Variants in XKR4 observed in about 807,000 individuals in gnomAD.
The protein encoded by XKR4 is XK-related protein 4.
Under a neutral mutation model 53.9 loss-of-function variants are expected in XKR4, and 12 were observed. That is an observed-to-expected ratio of 0.22 (90% CI 0.14 to 0.36). The LOEUF (loss-of-function observed/expected upper bound fraction) is 0.36. Among genes scored for constraint, XKR4 ranks in the 10% least tolerant of loss-of-function variants. The pLI, the probability that XKR4 is intolerant of heterozygous loss-of-function variation, is 1.00. For synonymous variants in XKR4, 354 were observed against 362.4 expected, an observed-to-expected ratio of 0.98 and a Z score of 0.26; for missense variants, 799 against 859.5, an observed-to-expected ratio of 0.93 and a Z score of 0.88.
chr8:55,126,001 C>A (rs1816462770), intron 1 of XKR4, among the ~76,000 whole-genome samples: 1 of 152,070 alleles, frequency 6.6e-6, no homozygotes, highest in Non-Finnish European at 1.5e-5. Flanking sequence ...ATTTTGTATT[C>A]CTTTTTTTTA....
chr8:55,533,976 G>A lies in XKR4; in HGVS notation c.*9749G>A, dbSNP rs1353266442. ...TGAAAAAAAAGAAAAATATTCCCGG[G>A]GGCTTGCATAGCTCAGAGAACGGAG... On this transcript the variant is annotated 3_prime_UTR_variant, in exon 3 of 3. Coordinates refer to ENST00000327381, the MANE Select transcript of XKR4 (RefSeq NM_052898.2). 1 of 152,092 alleles carries A rather than the reference G, an allele frequency of 6.6e-6. No individual in the cohort carries two copies. The highest frequency in any genetic ancestry group is 1.5e-5 in the Non-Finnish European group (1 of 68,026). The allele number at this position is 152,092 out of a possible 1,614,324, so 9.4% of individuals were successfully genotyped here.
rs1273663926 is a variant in XKR4 at position 55,467,732 on chromosome 8, AG to A, written c.1007-55548del. ...CAAAGATTGTGACAGTGAGAGAACA[AG>A]TATTGAATTCTTTGATTAATAGTAA... On this transcript the variant is annotated intron_variant, in intron 2 of 2. Coordinates refer to ENST00000327381, the MANE Select transcript of XKR4 (RefSeq NM_052898.2). 6.6e-5 allele frequency among the ~76,000 whole-genome samples: 10 copies of A among 152,316 alleles called. No individual in the cohort carries two copies. In the East Asian group the frequency reaches 1.9e-3, roughly 29 times the overall value.
intron 2 of XKR4, among the ~76,000 whole-genome samples, chr8:55,477,449 A>G (rs1261538920): frequency 1.1e-4 from 17 of 152,104 alleles, no homozygotes; most frequent in Admixed American, 8.5e-4. Flanking sequence ...AACCACAAAG[A>G]TGGGGAAAAA....
intron 2 of XKR4, among the ~76,000 whole-genome samples, chr8:55,519,159 T>C (rs539603633): frequency 6.6e-6 from 1 of 152,324 alleles, no homozygotes; most frequent in Non-Finnish European, 1.5e-5. Flanking sequence ...TAAAATAAGA[T>C]TATTGCACTA....
At chr8:55,331,950 C>T (rs145339342) in intron 1 of XKR4, among the ~76,000 whole-genome samples, 189 of 152,052 alleles carry the variant, frequency 1.2e-3, no homozygotes, top group African/African-American at 3.7e-3. Context: ...AAATAATTAC[C>T]GATAAGGAAG....
rs558533079 is a variant in XKR4, at chr8:55,432,049, G to T, written c.1006+74172G>T. Reference sequence around the variant, plus strand: ...CAATCATGCTCACATAATATTGTGGGTTATAGCATTTAGCTCTTTCTATAA... The same window carrying T: ...CAATCATGCTCACATAATATTGTGGTTTATAGCATTTAGCTCTTTCTATAA... On this transcript the variant is annotated intron_variant, in intron 2 of 2. Coordinates refer to ENST00000327381, the MANE Select transcript of XKR4 (RefSeq NM_052898.2). 1.9e-4 allele frequency among the ~76,000 whole-genome samples: 29 copies of T among 152,308 alleles called. No homozygotes were observed. The South Asian group carries it at 6.0e-3, about 32-fold the overall frequency.
At chr8:55,430,306 T>C (rs1805083381) in intron 2 of XKR4, among the ~76,000 whole-genome samples, 2 of 152,334 alleles carry the variant, frequency 1.3e-5, no homozygotes, top group Admixed American at 6.5e-5. Flanking sequence ...TGGACACTTA[T>C]GCTAGAGAAA....
At chr8:55,131,339 T>A (rs189982996) in intron 1 of XKR4, among the ~76,000 whole-genome samples, 3 of 152,218 alleles carry the variant, frequency 2.0e-5, no homozygotes, top group African/African-American at 7.2e-5. Context: ...CTCCTGCATT[T>A]AAGTTCATTT....
intron 1 of XKR4, among the ~76,000 whole-genome samples, chr8:55,195,281 T>C (rs1024168053): frequency 1.4e-5 from 2 of 141,816 alleles, no homozygotes; most frequent in African/African-American, 5.1e-5. Flanking sequence ...TGATGAATTG[T>C]ACACTAATAA....
At chr8:55,483,219 C>G (rs1486934400) in intron 2 of XKR4, among the ~76,000 whole-genome samples, 1 of 152,124 alleles carries the variant, frequency 6.6e-6, no homozygotes, top group East Asian at 1.9e-4. Context: ...ATCATCACTT[C>G]TTATTATATT....
chr8:55,420,627 G>T (rs1804913113), intron 2 of XKR4, among the ~76,000 whole-genome samples: 1 of 120,368 alleles, frequency 8.3e-6, no homozygotes, highest in Non-Finnish European at 1.6e-5. Flanking sequence ...GCACTCCGGG[G>T]ACTGTTGTGG....
intron 1 of XKR4, among the ~76,000 whole-genome samples, chr8:55,270,248 A>C (rs1818668221): frequency 6.6e-6 from 1 of 152,192 alleles, no homozygotes; most frequent in Non-Finnish European, 1.5e-5. Context: ...GCTTCTCTGC[A>C]GGTCCTTGCT....
chr8:55,259,573 C>T (rs1367275487), intron 1 of XKR4, among the ~76,000 whole-genome samples: 1 of 151,974 alleles, frequency 6.6e-6, no homozygotes, highest in East Asian at 1.9e-4. Flanking sequence ...GCATGGGGAC[C>T]CTCGCTTGAT....
intron 1 of XKR4, among the ~76,000 whole-genome samples, chr8:55,128,142 T>G (rs963895653): frequency 6.6e-6 from 1 of 152,056 alleles, no homozygotes; most frequent in African/African-American, 2.4e-5. Flanking sequence ...TCTAGATCCC[T>G]GAGGAATCGC....
intron 1 of XKR4, among the ~76,000 whole-genome samples, chr8:55,161,973 G>A (rs1243225957): frequency 1.3e-5 from 2 of 152,108 alleles, no homozygotes; most frequent in East Asian, 3.9e-4. Context: ...AGAGCTGGTG[G>A]TGCCATATTA....
intron 1 of XKR4, among the ~76,000 whole-genome samples, chr8:55,211,078 T>C (rs931485105): frequency 6.6e-6 from 1 of 152,214 alleles, no homozygotes; most frequent in South Asian, 2.1e-4. Flanking sequence ...TGCCTGCAAC[T>C]TGATTTTTCA....
chr8:55,381,568 C>A (rs1198590959), intron 2 of XKR4, among the ~76,000 whole-genome samples: 2 of 152,150 alleles, frequency 1.3e-5, no homozygotes, highest in African/African-American at 4.8e-5. Flanking sequence ...GGTGTCCCAG[C>A]CTCAGAAAAG....
chr8:55,381,246 A>G (rs1804228444), intron 2 of XKR4, among the ~76,000 whole-genome samples: 1 of 152,204 alleles, frequency 6.6e-6, no homozygotes, highest in Non-Finnish European at 1.5e-5. Flanking sequence ...GTCGATTCCA[A>G]ATTATTTTCC....
At position 55,130,971 on chromosome 8, in the gene XKR4, C is replaced by A. The variant is rs537807973; in HGVS notation, c.806+27677C>A. Among the ~76,000 whole-genome samples the A allele has an allele frequency of 1.2e-4, 19 of 152,154 alleles. No individual in the cohort carries two copies. In the South Asian group the frequency reaches 4.0e-3, roughly 32 times the overall value. ...GGTCGGGAGTTTGAGACCAGCTTGACCGACGTGGAGAAACCCCATCTCTAC... is the reference window on the plus strand; with the variant it reads ...GGTCGGGAGTTTGAGACCAGCTTGAACGACGTGGAGAAACCCCATCTCTAC... On this transcript the variant is annotated intron_variant, in intron 1 of 2. Coordinates refer to ENST00000327381, the MANE Select transcript of XKR4 (RefSeq NM_052898.2).
Sources: allele counts gnomAD v4.1 joint callset (sites outside exome capture counted in the v4.1 genomes callset), GRCh38; gene constraint gnomAD v4.1.1; transcripts MANE v1.5; gene names NCBI Gene and HGNC (gene_info 2026-07-23, HGNC 2026-07-21).